Variants in PKD1 observed in about 807,000 individuals in gnomAD.
PKD1 encodes polycystin 1, transient receptor potential channel interacting, also known as polycystin-1.
Under a neutral mutation model 361.7 loss-of-function variants are expected in PKD1, and 81 were observed. That is an observed-to-expected ratio of 0.22 (90% CI 0.19 to 0.27). The LOEUF is 0.27. Among genes scored for constraint, PKD1 ranks in the 10% least tolerant of loss-of-function variants. The pLI, the probability that PKD1 is intolerant of heterozygous loss-of-function variation, is 1.00. For missense variants in PKD1, 6,399 were observed against 6,118.3 expected (o/e 1.05, Z -1.53); for synonymous variants, 3,615 against 2,818.3 (o/e 1.28, Z -8.95).
At chr16:2,122,892 G>A (rs566435497) in intron 1 of PKD1, among the ~76,000 whole-genome samples, 1 of 152,210 alleles carries the variant, frequency 6.6e-6, no homozygotes, top group Non-Finnish European at 1.5e-5. Context: ...CCTGCCCCCA[G>A]GCATGGGGAG....
At position 2,114,176 on chromosome 16, in the gene PKD1, G is replaced by C. The variant is rs746198455; in HGVS notation, c.2847C>G (p.Val949=). The change falls in exon 11 of 46, where the codon GTC becomes GTG. Residue 949 remains valine (V), a synonymous_variant. Transcript: ENST00000262304. ...GAGCCTCGGCCATACTCACCACTAGGACTCCCTGCAGTACACGGGCCTCGG... is the reference window on the plus strand; with the variant it reads ...GAGCCTCGGCCATACTCACCACTAGCACTCCCTGCAGTACACGGGCCTCGG... ...PSPEARVLQG[V]LVRYSPVVEA... 2 of 1,605,738 alleles carry C rather than the reference G, an allele frequency of 1.2e-6. No individual in the cohort carries two copies. The highest frequency in any genetic ancestry group is 1.7e-6 in the Non-Finnish European group (2 of 1,179,498).
chr16:2,133,588 A>G (rs911740344), intron 1 of PKD1, among the ~76,000 whole-genome samples: 6 of 151,910 alleles, frequency 3.9e-5, no homozygotes, highest in Non-Finnish European at 7.4e-5. Context: ...GGGCTGCCCC[A>G]CAGCACAGAG....
intron 7 of PKD1, 29 bp downstream of exon 7, chr16:2,116,804 C>T: frequency 1.4e-6 from 2 of 1,382,128 alleles, no homozygotes; most frequent in Non-Finnish European, 2.0e-6. Flanking sequence ...CAGCCAGCGT[C>T]TCAGGCCCCT....
At position 2,119,911 on chromosome 16, in the gene PKD1, G is replaced by A. The variant is rs1213081553; in HGVS notation, c.216-533C>T. 4.3e-6 allele frequency: 3 copies of A among 699,030 alleles called. No individual in the cohort carries two copies. The South Asian group carries it at 4.5e-5, about 10-fold the overall frequency. 43.3% of individuals were successfully genotyped at this position (699,030 alleles called of 1,614,324 possible). On this transcript the variant is annotated intron_variant, in intron 1 of 45. Coordinates refer to ENST00000262304, the MANE Select transcript of PKD1 (RefSeq NM_001009944.3). Reference sequence around the variant, plus strand: ...GGCGCCACCTCGAGGCATAAACCCAGAGAAACAAGACCTCCAAGACGGCCA... The same window carrying A: ...GGCGCCACCTCGAGGCATAAACCCAAAGAAACAAGACCTCCAAGACGGCCA...
intron 14 of PKD1, 146 bp downstream of exon 14, chr16:2,112,194 C>A (rs1451565795): frequency 2.6e-6 from 2 of 776,742 alleles, no homozygotes; most frequent in South Asian, 1.5e-5. Flanking sequence ...CCCTCCCTCA[C>A]CCCAGTAGGG....
At chr16:2,105,530 G>C in intron 20 of PKD1, 56 bp from the exon 21 acceptor site, 1 of 1,594,996 alleles carries the variant, frequency 6.3e-7, no homozygotes, top group Non-Finnish European at 8.5e-7. Context: ...CCGGCAGGAG[G>C]CCAGCAGATG....
intron 29 of PKD1, 44 bp from the exon 30 acceptor site, chr16:2,099,814 G>C: frequency 1.3e-6 from 2 of 1,555,312 alleles, no homozygotes; most frequent in South Asian, 1.2e-5. Context: ...CTGAGGGGCA[G>C]GAAGGGCTGG....
intron 30 of PKD1, 142 bp from the exon 31 acceptor site, chr16:2,098,126 G>A (rs2091922676): frequency 1.6e-6 from 1 of 630,996 alleles, no homozygotes; most frequent in African/African-American, 1.8e-5. Flanking sequence ...TGGGACATCT[G>A]CACCGTCCGT....
In PKD1 at chr16:2,111,758, C is replaced by A. The variant is rs375354209; in HGVS notation, c.3409G>T (p.Val1137Phe). Reference sequence around the variant, plus strand: ...GTGACGGGCCGGCCGGCCACCAGGACGCCGTCACTCACACCCACAGCCACG... The same window carrying A: ...GTGACGGGCCGGCCGGCCACCAGGAAGCCGTCACTCACACCCACAGCCACG... ...PSVAVGVSDG[V>F]LVAGRPVTFY... The change falls in exon 15 of 46, where the codon GTC (valine) becomes TTC (phenylalanine). Residue 1137 changes from valine to phenylalanine, a missense_variant. By Grantham distance (50) the Val-to-Phe change is conservative. Transcript: ENST00000262304. 1 of 1,604,064 alleles carries A rather than the reference C, an allele frequency of 6.2e-7. No individual in the cohort carries two copies. Among genetic ancestry groups the A allele is most frequent in the South Asian group, 1.1e-5 (1 of 90,106 alleles).
rs758896945 is a variant in PKD1 at position 2,106,022 on chromosome 16, G to C, written c.7706C>G (p.Ser2569Cys). 1 of 1,606,068 alleles carries C rather than the reference G, an allele frequency of 6.2e-7. No individual in the cohort carries two copies. The highest frequency in any genetic ancestry group is 1.3e-5 in the African/African-American group (1 of 74,430). The change falls in exon 20 of 46, where the codon TCT becomes TGT. Residue 2569 changes from serine to cysteine, a missense_variant and splice_region_variant. Physicochemically the swap from Ser to Cys is moderately radical, Grantham distance 112. Transcript: ENST00000262304. The surrounding 1 kb of genome is among the most constrained non-coding windows in gnomAD (Gnocchi z 6.5). Reference protein sequence around the residue: ...LGAAVVALNRSLAITLPEPNG... With the variant: ...LGAAVVALNRCLAITLPEPNG... ...GGGCTCTGGGAGGGTGATGGCCAAAGACCTACGAGCAGAGGGGGGTGGTGA... is the reference window on the plus strand; with the variant it reads ...GGGCTCTGGGAGGGTGATGGCCAAACACCTACGAGCAGAGGGGGGTGGTGA...
In PKD1 at chr16:2,091,125, G is replaced by A. The variant is rs762372063; in HGVS notation, c.11762C>T (p.Thr3921Ile). The change falls in exon 43 of 46, where the codon ACT (threonine) becomes ATT (isoleucine). Residue 3921 changes from threonine (T) to isoleucine (I), a missense_variant. Physicochemically the swap from Thr to Ile is moderately conservative, Grantham distance 89 (BLOSUM62 -1). Coordinates refer to ENST00000262304, the MANE Select transcript of PKD1 (RefSeq NM_001009944.3). ...GCGCCAGCGCCCTTCCCTGTGCCAA[G>A]TACGGGCCTCGGCCACGGCGAAGTG... ...AVHFAVAEAR[T>I]WHREGRWRVL... The A allele has an allele frequency of 2.2e-5, 32 of 1,487,374 alleles. No homozygotes were observed. The highest frequency in any genetic ancestry group is 2.5e-5 in the South Asian group (2 of 80,314). 92.1% of individuals were successfully genotyped at this position (1,487,374 alleles called of 1,614,324 possible). A position where few individuals can be genotyped will look rare whatever the true frequency, so the allele number is the denominator to read the frequency against.
At chr16:2,123,344 A>G in intron 1 of PKD1, 1 of 357,484 alleles carries the variant, frequency 2.8e-6, no homozygotes, top group Admixed American at 3.7e-5. Flanking sequence ...CAGGGTGTGG[A>G]AGCGTCTGCC....
rs753250207 is a variant in PKD1 at position 2,090,921 on chromosome 16, C to T, written c.11966G>A (p.Gly3989Asp). ...CAGGAAGAGCAGCGAGGCCGCCAGG[C>T]CACGGGCTGCGGAGCTCAGCTGCGC... ...QVAQLSSAAR[G>D]LAASLLFLLL... Residue 3989 changes from glycine to aspartate, a missense_variant, in exon 43 of 46, where the codon GGC becomes GAC. Physicochemically the swap from Gly to Asp is moderately conservative, Grantham distance 94. Transcript: ENST00000262304. 6.3e-7 allele frequency: 1 copy of T among 1,585,348 alleles called. No individual in the cohort carries two copies. The highest frequency in any genetic ancestry group is 2.3e-5 in the East Asian group (1 of 44,144).
chr16:2,096,896 C>G, intron 34 of PKD1: 1 of 569,096 alleles, frequency 1.8e-6, no homozygotes, highest in South Asian at 2.2e-5. Flanking sequence ...CGGCCAGCCT[C>G]ACACAGGAGC....
intron 1 of PKD1, among the ~76,000 whole-genome samples, chr16:2,122,706 C>G (rs1183576393): frequency 8.5e-5 from 13 of 152,206 alleles, no homozygotes; most frequent in Non-Finnish European, 1.3e-4. Context: ...GAGGGACTTT[C>G]CAGCGGCTGC....
In PKD1 at chr16:2,090,917, C is replaced by T. The variant is rs1341275104; in HGVS notation, c.11970G>A (p.Leu3990=). The T allele has an allele frequency of 8.8e-6, 14 of 1,589,264 alleles. No individual in the cohort carries two copies. Among genetic ancestry groups the T allele is most frequent in the African/African-American group, 2.7e-5 (2 of 74,832 alleles). The part of the protein sequence containing the change: ...VAQLSSAARG[L]AASLLFLLLV... ...AAAGCAGGAAGAGCAGCGAGGCCGC[C>T]AGGCCACGGGCTGCGGAGCTCAGCT... is the stretch of plus-strand genomic sequence containing the variant. The change falls in exon 43 of 46, where the codon CTG becomes CTA. Residue 3990 remains leucine (L), a synonymous_variant. Coordinates refer to ENST00000262304, the MANE Select transcript of PKD1 (RefSeq NM_001009944.3).
In PKD1 at chr16:2,100,436, C is replaced by G. The variant is rs2092047344; in HGVS notation, c.9528G>C (p.Leu3176=). 1 of 1,611,184 alleles carries G rather than the reference C, an allele frequency of 6.2e-7. No homozygotes were observed. Residue 3176 remains leucine (L), a synonymous_variant, in exon 27 of 46, where the codon CTG becomes CTC. Coordinates refer to ENST00000262304, the MANE Select transcript of PKD1 (RefSeq NM_001009944.3). The surrounding 1 kb of genome is among the most constrained non-coding windows in gnomAD (Gnocchi z 4.4). ...DIFRIATPHS[L]GSVWKIRVWH... ...ACACTCGGATCTTCCACACGCTACC[C>G]AGGCTGTGCGGGGTGGCGATCCGGA...
At chr16:2,112,315 GC>G in intron 14 of PKD1, 24 bp downstream of exon 14, 2 of 1,576,634 alleles carry the variant, frequency 1.3e-6, no homozygotes, top group Non-Finnish European at 1.7e-6. Flanking sequence ...AAAGGCAGTG[GC>G]CCCCTCACCC....
rs578102622 is a variant in PKD1 at position 2,122,650 on chromosome 16, C to T, written c.216-3272G>A. Among the ~76,000 whole-genome samples, 4 of 152,344 alleles carry T rather than the reference C, an allele frequency of 2.6e-5. No homozygotes were observed. The South Asian group carries it at 8.3e-4, about 32-fold the overall frequency. ...TCACACCCACTGCCCAAGCACCATG[C>T]CCGAGGGGGAACACTGTGCCGTGAG... On this transcript the variant is annotated intron_variant, in intron 1 of 45. Coordinates refer to ENST00000262304, the MANE Select transcript of PKD1 (RefSeq NM_001009944.3).
Sources: gnomAD v4.1 joint callset for allele counts (sites outside exome capture counted in the v4.1 genomes callset) on GRCh38, gnomAD v4.1.1 for gene constraint, Gnocchi (gnomAD v3.1) non-coding constraint, MANE v1.5 for transcripts, NCBI Gene and HGNC (gene_info 2026-07-23, HGNC 2026-07-21) for gene names.